Variants in EDA observed in about 807,000 individuals in gnomAD.
EDA encodes ectodysplasin A.
In EDA, 2 loss-of-function variants were observed where a neutral mutation model predicts 23.6. The ratio of observed to expected loss-of-function variants is 0.08; its 90% CI spans 0.03 to 0.27. The LOEUF (loss-of-function observed/expected upper bound fraction) is 0.27. EDA is among the 10% of genes least tolerant of loss of function. The pLI is 1.00. For missense variants in EDA, 229 were observed against 324.2 expected (o/e 0.71, Z 2.26); for synonymous variants, 131 against 132.0 (o/e 0.99, Z 0.05).
intron 1 of EDA, among the ~76,000 whole-genome samples, chrX:69,754,591 G>C (rs916829352): frequency 1.8e-5 from 2 of 111,293 alleles, no homozygotes; most frequent in Non-Finnish European, 3.8e-5. Flanking sequence ...TGTATTTCCT[G>C]AATTTGAATG....
At chrX:69,838,709 G>A (rs2016833784) in intron 1 of EDA, among the ~76,000 whole-genome samples, 1 of 112,636 alleles carries the variant, frequency 8.9e-6, no homozygotes, top group Admixed American at 9.3e-5. Flanking sequence ...ACAGCGTTAT[G>A]GTAAAGTGGA....
At chrX:69,875,058 G>T (rs890119261) in intron 1 of EDA, among the ~76,000 whole-genome samples, 13 of 111,473 alleles carry the variant, frequency 1.2e-4, no homozygotes, top group African/African-American at 4.2e-4. Flanking sequence ...TAACCATACT[G>T]CCAAAAGCAA....
intron 1 of EDA, among the ~76,000 whole-genome samples, chrX:69,796,267 G>A (rs1365484878): frequency 1.9e-5 from 2 of 104,868 alleles, no homozygotes; most frequent in African/African-American, 7.0e-5. Context: ...GTCATCTGGA[G>A]ACCCAAGAAT....
intron 1 of EDA, among the ~76,000 whole-genome samples, chrX:69,760,197 C>CA (rs1162014486): frequency 0.36 from 16,803 of 46,491 alleles, 3,374 homozygotes; most frequent in East Asian, 0.72. Context: ...CTCTTTTGTA[C>CA]AAAAAAAAAA....
intron 2 of EDA, among the ~76,000 whole-genome samples, chrX:70,015,374 A>G (rs2019933031): frequency 8.9e-6 from 1 of 111,749 alleles, no homozygotes; most frequent in Non-Finnish European, 1.9e-5. Context: ...GGAGTTTGAG[A>G]CCACCCTGGC....
intron 1 of EDA, among the ~76,000 whole-genome samples, chrX:69,755,829 G>A (rs923822613): frequency 2.7e-5 from 3 of 112,616 alleles, no homozygotes; most frequent in Non-Finnish European, 5.6e-5. Context: ...TGCTAGCAGC[G>A]AGTGAGGCGC....
intron 1 of EDA, among the ~76,000 whole-genome samples, chrX:69,811,320 C>G (rs1051511362): frequency 3.6e-5 from 4 of 112,568 alleles, no homozygotes; most frequent in Non-Finnish European, 7.5e-5. Flanking sequence ...TCATAAAGGC[C>G]TGGGCCAATA....
In EDA at chrX:69,674,932, T is replaced by C. The variant is rs1409681648; in HGVS notation, c.396+58228T>C. Among the ~76,000 whole-genome samples, 4 of 112,038 alleles carry C rather than the reference T, an allele frequency of 3.6e-5. No homozygotes were observed. The Admixed American group carries it at 3.8e-4, about 11-fold the overall frequency. ...GATGTCCTTCCTTGAACCTCTGAAG[T>C]GTAACCTTTCCCAAGGTTCTGTCCT... On this transcript the variant is annotated intron_variant, in intron 1 of 7. Transcript: ENST00000374552.
At chrX:69,705,778 A>G (rs774751399) in intron 1 of EDA, among the ~76,000 whole-genome samples, 22 of 112,102 alleles carry the variant, frequency 2.0e-4, no homozygotes, top group African/African-American at 6.5e-4. Context: ...CTCATTTTTA[A>G]GAACCATCTA....
rs190405671 is a variant in EDA, at chrX:69,686,639, C to A, written c.396+69935C>A. ...TAGGAATCATATATCTACTTTCTGT[C>A]TCTATAGATTTGACCATTCTGGACA... On this transcript the variant is annotated intron_variant, in intron 1 of 7. Coordinates refer to ENST00000374552, the MANE Select transcript of EDA (RefSeq NM_001399.5). Among the ~76,000 whole-genome samples the A allele has an allele frequency of 2.0e-3, 218 of 111,303 alleles. 1 individual carries two copies. Among genetic ancestry groups the A allele is most frequent in the Non-Finnish European group, 6.4e-4 (34 of 53,028 alleles).
chrX:69,788,368 G>C (rs112901835), intron 1 of EDA, among the ~76,000 whole-genome samples: 43,863 of 111,367 alleles, frequency 0.39, 7,350 homozygotes, highest in Middle Eastern at 0.65. Flanking sequence ...GAGAGGCGCT[G>C]TGCTTTTTAG....
At chrX:69,854,172 C>T (rs757020438) in intron 1 of EDA, among the ~76,000 whole-genome samples, 11 of 110,294 alleles carry the variant, frequency 1.0e-4, no homozygotes, top group Non-Finnish European at 1.7e-4. Context: ...CTCCACCTTC[C>T]GACAGGCCCC....
intron 2 of EDA, among the ~76,000 whole-genome samples, chrX:69,990,107 G>C (rs891878264): frequency 9.1e-6 from 1 of 110,025 alleles, no homozygotes; most frequent in Non-Finnish European, 1.9e-5. Flanking sequence ...ACATATTCTT[G>C]GTTCTTAGTA....
chrX:70,015,252 G>T (rs1344718272), intron 2 of EDA, among the ~76,000 whole-genome samples: 1 of 111,833 alleles, frequency 8.9e-6, no homozygotes, highest in Non-Finnish European at 1.9e-5. Context: ...AAAAGAGATT[G>T]GGAGCCTATA....
chrX:69,823,424 G>C (rs1484060989), intron 1 of EDA, among the ~76,000 whole-genome samples: 1 of 89,295 alleles, frequency 1.1e-5, no homozygotes, highest in African/African-American at 4.6e-5. Context: ...TTGTGGTTTT[G>C]ATTTGCATTT....
At chrX:69,722,520 C>A (rs190024935) in intron 1 of EDA, among the ~76,000 whole-genome samples, 205 of 112,010 alleles carry the variant, frequency 1.8e-3, no homozygotes, top group Non-Finnish European at 3.5e-3. Context: ...GAATATTTTT[C>A]TTTCTCTTTG....
At chrX:69,939,446 C>T (rs112304098) in intron 1 of EDA, among the ~76,000 whole-genome samples, 1,810 of 110,993 alleles carry the variant, frequency 0.016, 24 homozygotes, top group Middle Eastern at 0.042. Flanking sequence ...TATCCTGAAA[C>T]GTTACTGAAC....
chrX:69,960,621 G>C (rs1014328935), intron 2 of EDA, among the ~76,000 whole-genome samples: 3 of 110,287 alleles, frequency 2.7e-5, no homozygotes, highest in African/African-American at 9.9e-5. Context: ...TAAGAGGTAG[G>C]ATGGGATAGG....
intron 1 of EDA, among the ~76,000 whole-genome samples, chrX:69,754,758 T>A (rs2014037991): frequency 9.0e-6 from 1 of 111,564 alleles, no homozygotes; most frequent in Non-Finnish European, 1.9e-5. Flanking sequence ...ACTTTCTTTC[T>A]TTTTACTCTT....
Sources: gnomAD v4.1 joint callset for allele counts (sites outside exome capture counted in the v4.1 genomes callset) on GRCh38, gnomAD v4.1.1 for gene constraint, MANE v1.5 for transcripts, NCBI Gene and HGNC (gene_info 2026-07-23, HGNC 2026-07-21) for gene names.